NR6A1: variants seen among roughly 807,000 people sequenced by gnomAD.
NR6A1 encodes the protein retinoic acid receptor-related testis-associated receptor.
A neutral mutation model predicts 59.1 loss-of-function variants in NR6A1; 7 were observed. The observed-to-expected ratio is 0.12, with a 90% CI of 0.07 to 0.22. The LOEUF is 0.22. Ranked by LOEUF, NR6A1 falls within the 10% of genes least tolerant of loss-of-function variation. NR6A1 has a pLI of 1.00. For missense variants in NR6A1, 468 were observed against 611.6 expected (o/e 0.77, Z 2.48); for synonymous variants, 243 against 236.1 (o/e 1.03, Z -0.27).
intron 2 of NR6A1, among the ~76,000 whole-genome samples, chr9:124,640,536 G>T (rs1836741012): frequency 6.6e-6 from 1 of 151,952 alleles, no homozygotes; most frequent in African/African-American, 2.4e-5. Flanking sequence ...AGTGGCTAGG[G>T]CTACAGGAGT....
chr9:124,678,881 A>T (rs79156691), intron 2 of NR6A1, among the ~76,000 whole-genome samples: 2,509 of 152,288 alleles, frequency 0.016, 77 homozygotes, highest in East Asian at 0.15. Context: ...CCCAGTCCTA[A>T]TAACTTTCTA....
chr9:124,632,662 T>C (rs1426343034), intron 2 of NR6A1, among the ~76,000 whole-genome samples: 1 of 152,258 alleles, frequency 6.6e-6, no homozygotes, highest in Non-Finnish European at 1.5e-5. Context: ...TGCAATGTGC[T>C]GTTCCTAAAA....
chr9:124,764,196 AAG>A (rs1469737072), intron 1 of NR6A1, among the ~76,000 whole-genome samples: 1 of 152,006 alleles, frequency 6.6e-6, no homozygotes, highest in Non-Finnish European at 1.5e-5. Context: ...AAAAAAAAAA[AAG>A]AAAAGAAAAA....
At chr9:124,729,789 A>G (rs907421153) in intron 2 of NR6A1, among the ~76,000 whole-genome samples, 2 of 152,108 alleles carry the variant, frequency 1.3e-5, no homozygotes, top group African/African-American at 4.8e-5. Flanking sequence ...GTACAAACTG[A>G]AATAAAATTT....
chr9:124,531,588 C>T (rs948240147), intron 7 of NR6A1, among the ~76,000 whole-genome samples: 1 of 152,142 alleles, frequency 6.6e-6, no homozygotes, highest in Admixed American at 6.5e-5. Context: ...TACTGCTTTC[C>T]AGTGGTTAAC....
chr9:124,595,889 G>C (rs140117437), intron 2 of NR6A1: 14 of 1,105,150 alleles, frequency 1.3e-5, no homozygotes, highest in Middle Eastern at 2.3e-4. Context: ...CCGGGACTAC[G>C]ACAGTCATCC....
intron 2 of NR6A1, among the ~76,000 whole-genome samples, chr9:124,613,585 T>G (rs1473448018): frequency 6.6e-6 from 1 of 152,084 alleles, no homozygotes; most frequent in Non-Finnish European, 1.5e-5. Context: ...CGCTTGAGCC[T>G]GGGAGGTTGA....
intron 2 of NR6A1, among the ~76,000 whole-genome samples, chr9:124,719,331 C>A (rs752880285): frequency 6.6e-6 from 1 of 152,192 alleles, no homozygotes; most frequent in Non-Finnish European, 1.5e-5. Flanking sequence ...AAGGGATCCA[C>A]AAAGTGCTGG....
chr9:124,704,810 C>T (rs1016038065), intron 2 of NR6A1, among the ~76,000 whole-genome samples: 7 of 152,166 alleles, frequency 4.6e-5, no homozygotes, highest in African/African-American at 1.4e-4. Context: ...ACAATTAAGG[C>T]TCACTGCAGC....
At position 124,566,979 on chromosome 9, in the gene NR6A1, G is replaced by T. The variant is rs1024113251; in HGVS notation, c.143-12409C>A. 2.0e-5 allele frequency among the ~76,000 whole-genome samples: 3 copies of T among 151,130 alleles called. No homozygotes were observed. The South Asian group carries it at 6.3e-4, about 32-fold the overall frequency. On this transcript the variant is annotated intron_variant, in intron 2 of 9. Transcript: ENST00000487099. The stretch of plus-strand genomic sequence containing the variant: ...AAAAATTAGCCGGGCGTAGTGGCGG[G>T]CGCCTGTAGTCCCAGCTACTTGGGA...
In NR6A1 at chr9:124,713,424, G is replaced by C. The variant is rs1038897960; in HGVS notation, c.142+19884C>G. On this transcript the variant is annotated intron_variant, in intron 2 of 9. Transcript: ENST00000487099. ...GATAACATGAAAATGTAAAACTTTT[G>C]TGCATCGACGGACACAACAGAATGA... Among the ~76,000 whole-genome samples, 5 of 152,246 alleles carry C rather than the reference G, an allele frequency of 3.3e-5. No homozygotes were observed. In the South Asian group the frequency reaches 6.2e-4, roughly 19 times the overall value.
chr9:124,561,873 C>T (rs1484233841), intron 2 of NR6A1, among the ~76,000 whole-genome samples: 1 of 152,132 alleles, frequency 6.6e-6, no homozygotes, highest in African/African-American at 2.4e-5. Context: ...GATTGCACCA[C>T]TGCACTCCAG....
chr9:124,563,676 T>G lies in NR6A1; in HGVS notation c.143-9106A>C, dbSNP rs148266333. Among the ~76,000 whole-genome samples, 841 of 152,336 alleles carry G rather than the reference T, an allele frequency of 5.5e-3. 7 individuals are homozygous for G. The highest frequency in any genetic ancestry group is 0.019 in the African/African-American group (799 of 41,566). On this transcript the variant is annotated intron_variant, in intron 2 of 9. Coordinates refer to ENST00000487099, the MANE Select transcript of NR6A1 (RefSeq NM_033334.4). ...ACAGACAGTCCCCTGCTTATAGAGTTCAACTTAAGGACTTTTCTACTTTAT... is the reference window on the plus strand; with the variant it reads ...ACAGACAGTCCCCTGCTTATAGAGTGCAACTTAAGGACTTTTCTACTTTAT...
intron 1 of NR6A1, among the ~76,000 whole-genome samples, chr9:124,738,027 G>A (rs1337450122): frequency 2.0e-5 from 3 of 152,114 alleles, no homozygotes; most frequent in Non-Finnish European, 2.9e-5. Flanking sequence ...AGACTGAGGT[G>A]GGCAGATCAC....
intron 2 of NR6A1, among the ~76,000 whole-genome samples, chr9:124,714,436 T>C (rs551388126): frequency 2.6e-5 from 4 of 152,250 alleles, no homozygotes; most frequent in South Asian, 2.1e-4. Context: ...GAAAGCCCAA[T>C]AGAGGTGTCA....
chr9:124,750,264 A>C (rs1263321371), intron 1 of NR6A1, among the ~76,000 whole-genome samples: 1 of 152,214 alleles, frequency 6.6e-6, no homozygotes, highest in Non-Finnish European at 1.5e-5. Flanking sequence ...TTAAGGATCA[A>C]AAGTCTCTCC....
chr9:124,547,588 A>G lies in NR6A1; in HGVS notation c.386-3731T>C, dbSNP rs77540451. Among the ~76,000 whole-genome samples the G allele has an allele frequency of 1.5e-3, 226 of 152,364 alleles. 3 individuals are homozygous for G. In the East Asian group the frequency reaches 0.038, roughly 25 times the overall value. On this transcript the variant is annotated intron_variant, in intron 3 of 9. Transcript: ENST00000487099. Reference sequence around the variant, plus strand: ...TGACATCATCATAACCAAGTGATTCAAGTTAATATCACCAATAATGGGTAT... The same window carrying G: ...TGACATCATCATAACCAAGTGATTCGAGTTAATATCACCAATAATGGGTAT...
intron 1 of NR6A1, among the ~76,000 whole-genome samples, chr9:124,749,863 T>C (rs1299608096): frequency 6.6e-6 from 1 of 152,200 alleles, no homozygotes; most frequent in Non-Finnish European, 1.5e-5. Flanking sequence ...TAACATACAT[T>C]AGCACAAACA....
intron 2 of NR6A1, chr9:124,599,114 T>C (rs1835371351): frequency 1.5e-6 from 1 of 685,088 alleles, no homozygotes; most frequent in Non-Finnish European, 2.7e-6. Context: ...GAGACGGTTC[T>C]CTGCGGCAAA....
Sources: gnomAD v4.1 joint callset for allele counts (sites outside exome capture counted in the v4.1 genomes callset) on GRCh38, gnomAD v4.1.1 for gene constraint, MANE v1.5 for transcripts, NCBI Gene and HGNC (gene_info 2026-07-23, HGNC 2026-07-21) for gene names.